ADGRE2: variants seen among roughly 807,000 people sequenced by gnomAD.
ADGRE2 encodes the protein adhesion G protein-coupled receptor E2.
ADGRE2 carries 83 observed loss-of-function variants against 100.8 expected under a neutral mutation model. The ratio of observed to expected loss-of-function variants is 0.82; its 90% CI spans 0.69 to 0.99. The LOEUF is 0.99. ADGRE2 is among the 50% of genes least tolerant of loss of function. The pLI, the probability that ADGRE2 is intolerant of heterozygous loss-of-function variation, is 0.00. For synonymous variants in ADGRE2, 355 were observed against 413.0 expected (o/e 0.86, Z 1.70); for missense variants, 814 against 1,035.7 (o/e 0.79, Z 2.94).
At chr19:14,754,606 GGT>G (rs1274237696) in intron 14 of ADGRE2, among the ~76,000 whole-genome samples, 1 of 152,082 alleles carries the variant, frequency 6.6e-6, no homozygotes, top group Non-Finnish European at 1.5e-5. Flanking sequence ...TTTGCCAGAG[GGT>G]CATGTGAGAA....
intron 13 of ADGRE2, 86 bp downstream of exon 13, chr19:14,755,568 C>T: frequency 8.3e-7 from 1 of 1,206,486 alleles, no homozygotes; most frequent in Non-Finnish European, 1.2e-6. Context: ...ATAACAGAGA[C>T]CCCTGAGCCC....
At chr19:14,766,456 C>T (rs1355746981) in intron 6 of ADGRE2, 75 bp from the exon 7 acceptor site, 1 of 1,464,536 alleles carries the variant, frequency 6.8e-7, no homozygotes, top group Non-Finnish European at 9.2e-7. Flanking sequence ...GCACCCACTC[C>T]CCTATCTTTT....
chr19:14,764,704 A>C, intron 10 of ADGRE2, 94 bp from the exon 11 acceptor site: 1 of 1,306,696 alleles, frequency 7.7e-7, no homozygotes, highest in Non-Finnish European at 1.0e-6. Flanking sequence ...GATCCTAGAG[A>C]CTGTCTATCT....
At chr19:14,751,321 G>C in intron 16 of ADGRE2, 115 bp downstream of exon 16, 1 of 712,670 alleles carries the variant, frequency 1.4e-6, no homozygotes, top group Non-Finnish European at 2.4e-6. Context: ...AACCAATAGA[G>C]CCTAAAATCC....
intron 17 of ADGRE2, 24 bp downstream of exon 17, chr19:14,746,872 G>T: frequency 6.2e-7 from 1 of 1,609,144 alleles, no homozygotes; most frequent in Non-Finnish European, 8.5e-7. Context: ...GGGGCAGCGA[G>T]GATGCTCAGA....
At chr19:14,764,751 G>T in intron 10 of ADGRE2, 141 bp from the exon 11 acceptor site, 1 of 846,214 alleles carries the variant, frequency 1.2e-6, no homozygotes, top group Non-Finnish European at 1.8e-6. Context: ...GGGCGCGGTG[G>T]CTCACGCCTC....
Position 14,773,993 on chromosome 19 carries a change from A to T in ADGRE2, c.144T>A (p.Asn48Lys). The change falls in exon 4 of 21, where the codon AAT becomes AAA. Residue 48 changes from asparagine (N) to lysine (K), a missense_variant. By Grantham distance (94) the Asn-to-Lys change is moderately conservative. Transcript: ENST00000315576. Reference sequence around the variant, plus strand: ...TCTCAGAAAAAGAGCTGAACCCTGGATTGCAGCGACAGGCGGTGGCATTGA... The same window carrying T: ...TCTCAGAAAAAGAGCTGAACCCTGGTTTGCAGCGACAGGCGGTGGCATTGA... Reference protein sequence around the residue: ...SCVNATACRCNPGFSSFSEII... With the variant: ...SCVNATACRCKPGFSSFSEII... 1 of 1,614,046 alleles carries T rather than the reference A, an allele frequency of 6.2e-7. No individual in the cohort carries two copies. Among genetic ancestry groups the T allele is most frequent in the Non-Finnish European group, 8.5e-7 (1 of 1,180,026 alleles).
chr19:14,777,286 G>A (rs1787634040), intron 1 of ADGRE2, among the ~76,000 whole-genome samples: 1 of 152,174 alleles, frequency 6.6e-6, no homozygotes, highest in Non-Finnish European at 1.5e-5. Context: ...TGCCAGAGTT[G>A]GCAGAGCCTG....
Position 14,746,977 on chromosome 19 carries a change from A to AG in ADGRE2, c.2025-16_2025-15insC, listed in dbSNP as rs2147174915. The AG allele has an allele frequency of 6.3e-7, 1 of 1,586,934 alleles. No individual in the cohort carries two copies. The highest frequency in any genetic ancestry group is 8.6e-7 in the Non-Finnish European group (1 of 1,164,128). On this transcript the variant is annotated splice_polypyrimidine_tract_variant and intron_variant, in intron 16 of 20. Transcript: ENST00000315576. Reference sequence around the variant, plus strand: ...GGAGCCAGCAGCTGAAAAAAGAGAGATTAAAAAAAATGCATCAGTTTTTGG... The same window carrying AG: ...GGAGCCAGCAGCTGAAAAAAGAGAGAGTTAAAAAAAATGCATCAGTTTTTGG...
intron 20 of ADGRE2, among the ~76,000 whole-genome samples, chr19:14,737,184 CT>C (rs112890797): frequency 0.23 from 32,735 of 141,618 alleles, 3,368 homozygotes; most frequent in Non-Finnish European, 0.26. Context: ...TTTAAGAAGT[CT>C]TTTTTTTTTT....
intron 18 of ADGRE2, among the ~76,000 whole-genome samples, chr19:14,744,122 T>C (rs983908977): frequency 6.6e-6 from 1 of 151,740 alleles, no homozygotes; most frequent in Admixed American, 6.6e-5. Context: ...GGGGCGCCTG[T>C]AATCCCAGCT....
chr19:14,771,821 A>C (rs142703800), intron 5 of ADGRE2: 1 of 140,334 alleles, frequency 7.1e-6, no homozygotes, highest in Non-Finnish European at 1.5e-5. Context: ...TCGTACTTTT[A>C]GTAGAGACAG....
At chr19:14,760,738 G>C (rs748166108) in intron 11 of ADGRE2, among the ~76,000 whole-genome samples, 21 of 152,092 alleles carry the variant, frequency 1.4e-4, no homozygotes, top group Non-Finnish European at 2.6e-4. Context: ...GGTGGGAAGT[G>C]GGGGGTCTGA....
chr19:14,731,088 GC>G, downstream of ADGRE2: 1 of 1,205,912 alleles, frequency 8.3e-7, no homozygotes, highest in Non-Finnish European at 1.2e-6. Flanking sequence ...CGCCCCTCCT[GC>G]CCCCTCCCCC....
intron 11 of ADGRE2, among the ~76,000 whole-genome samples, chr19:14,761,218 A>G (rs940703745): frequency 6.6e-6 from 1 of 152,214 alleles, no homozygotes; most frequent in African/African-American, 2.4e-5. Context: ...CCTGGTTAAC[A>G]TGGCGAAACC....
Position 14,776,976 on chromosome 19 carries a change from G to GCGCACACACACACACACACACA in ADGRE2, c.-171-50_-171-49insTGTGTGTGTGTGTGTGTGTGCG, listed in dbSNP as rs71166800. The GCGCACACACACACACACACACA allele has an allele frequency of 4.2e-4, 432 of 1,026,196 alleles. 18 individuals are homozygous for GCGCACACACACACACACACACA. Among genetic ancestry groups the GCGCACACACACACACACACACA allele is most frequent in the East Asian group, 2.1e-3 (46 of 21,932 alleles). 63.6% of individuals were successfully genotyped at this position (1,026,196 alleles called of 1,614,324 possible). ...ATAAAAACACAGAACCAGGGGCGCT[G>GCGCACACACACACACACACACA]CACACACACACACACACACACACAC... On this transcript the variant is annotated intron_variant, in intron 1 of 20. Coordinates refer to ENST00000315576, the MANE Select transcript of ADGRE2 (RefSeq NM_013447.4).
At chr19:14,757,580 G>T (rs2043546506) in intron 11 of ADGRE2, among the ~76,000 whole-genome samples, 1 of 152,138 alleles carries the variant, frequency 6.6e-6, no homozygotes, top group South Asian at 2.1e-4. Context: ...TCTCAACAAG[G>T]GGTGCCAAGA....
intron 17 of ADGRE2, 52 bp from the exon 18 acceptor site, chr19:14,746,375 CT>C (rs34368264): frequency 0.087 from 65,103 of 745,666 alleles, 53 homozygotes; most frequent in Middle Eastern, 0.1. Flanking sequence ...CCTGTTATCT[CT>C]TTTTTTTTTT....
Position 14,766,291 on chromosome 19 carries a change from G to A in ADGRE2, c.578C>T (p.Pro193Leu), listed in dbSNP as rs777572849. The A allele has an allele frequency of 1.3e-5, 21 of 1,613,946 alleles. No homozygotes were observed. The Admixed American group carries it at 2.0e-4, about 15-fold the overall frequency. The part of the protein sequence containing the change: ...NVGSYQCRCR[P>L]GWQPIPGSPN... Reference sequence around the variant, plus strand: ...GGACCCCGGAATCGGTTGCCAGCCCGGGCGGCAGCGGCACTGATAGCTGCC... The same window carrying A: ...GGACCCCGGAATCGGTTGCCAGCCCAGGCGGCAGCGGCACTGATAGCTGCC... Residue 193 changes from proline to leucine, a missense_variant, in exon 7 of 21, where the codon CCG becomes CTG. Physicochemically the swap from Pro to Leu is moderately conservative, Grantham distance 98. Transcript: ENST00000315576.
Sources: gnomAD v4.1 joint callset for allele counts (sites outside exome capture counted in the v4.1 genomes callset) on GRCh38, gnomAD v4.1.1 for gene constraint, MANE v1.5 for transcripts, NCBI Gene and HGNC (gene_info 2026-07-23, HGNC 2026-07-21) for gene names.